The following TTC7A variants were observed in gnomAD, a reference collection of about 807,000 sequenced individuals.
TTC7A encodes tetratricopeptide repeat domain 7A, also known as tetratricopeptide repeat protein 7A.
TTC7A carries 110 observed loss-of-function variants against 103.7 expected under a neutral mutation model. The ratio of observed to expected loss-of-function variants is 1.06; its 90% CI spans 0.91 to 1.24. TTC7A has a LOEUF of 1.24. Among genes scored for constraint, TTC7A ranks in the 50% most tolerant of loss-of-function variants. TTC7A has a pLI of 0.00. For missense variants in TTC7A, 1,340 were observed against 1,116.3 expected (o/e 1.20, Z -2.86); for synonymous variants, 521 against 467.9 (o/e 1.11, Z -1.47).
intron 1 of TTC7A, among the ~76,000 whole-genome samples, chr2:46,949,200 T>C (rs1400136678): frequency 1.3e-5 from 2 of 152,148 alleles, no homozygotes; most frequent in Non-Finnish European, 2.9e-5. Context: ...TTCAGTGTGG[T>C]AAAGGGAGGC....
At chr2:46,972,779 C>T (rs1473582762) in intron 3 of TTC7A, among the ~76,000 whole-genome samples, 1 of 152,182 alleles carries the variant, frequency 6.6e-6, no homozygotes, top group Non-Finnish European at 1.5e-5. Flanking sequence ...TGCTGCATAA[C>T]TCGAGCACCT....
intron 2 of TTC7A, among the ~76,000 whole-genome samples, chr2:46,930,587 C>T (rs1410872615): frequency 2.0e-5 from 3 of 151,442 alleles, no homozygotes; most frequent in Admixed American, 6.6e-5. Context: ...GCAACCTCTG[C>T]CTCCCAGGTT....
intron 15 of TTC7A, among the ~76,000 whole-genome samples, chr2:47,038,246 G>T (rs1442129101): frequency 1.4e-5 from 2 of 146,116 alleles, no homozygotes; most frequent in African/African-American, 2.6e-5. Context: ...GCGTCAGAGC[G>T]AGACTCCATC....
chr2:47,016,100 G>A (rs766884628), intron 11 of TTC7A, among the ~76,000 whole-genome samples: 17 of 152,230 alleles, frequency 1.1e-4, no homozygotes, highest in Non-Finnish European at 2.4e-4. Context: ...ATGGAAGGCA[G>A]TCCTGGGCAT....
At chr2:47,023,729 T>C (rs1229984830) in intron 13 of TTC7A, among the ~76,000 whole-genome samples, 1 of 152,106 alleles carries the variant, frequency 6.6e-6, no homozygotes, top group African/African-American at 2.4e-5. Context: ...ATGGGTATAG[T>C]AACCCATTGC....
chr2:47,009,148 G>A (rs1041683558), intron 10 of TTC7A, among the ~76,000 whole-genome samples: 5 of 152,102 alleles, frequency 3.3e-5, no homozygotes, highest in African/African-American at 9.7e-5. Context: ...GTGTTCCCAG[G>A]GCAGGGCCTC....
chr2:46,970,885 G>C lies in TTC7A; in HGVS notation c.518-4088G>C, dbSNP rs531843859. Among the ~76,000 whole-genome samples, 11 of 152,350 alleles carry C rather than the reference G, an allele frequency of 7.2e-5. No homozygotes were observed. The South Asian group carries it at 1.0e-3, about 14-fold the overall frequency. ...GCACCTGGGTCTTTGTGTTGAGCAA[G>C]GACCTTCATGTTCTCTGCCCGCTTT... On this transcript the variant is annotated intron_variant, in intron 3 of 19. Coordinates refer to ENST00000319190, the MANE Select transcript of TTC7A (RefSeq NM_020458.4).
intron 11 of TTC7A, among the ~76,000 whole-genome samples, chr2:47,018,920 C>G (rs1678990266): frequency 6.6e-6 from 1 of 152,156 alleles, no homozygotes. Flanking sequence ...GGCCCCAGAG[C>G]TTGTGTTCTT....
At chr2:46,923,365 C>G (rs531726754) in intron 2 of TTC7A, among the ~76,000 whole-genome samples, 81 of 152,268 alleles carry the variant, frequency 5.3e-4, no homozygotes, top group African/African-American at 1.9e-3. Flanking sequence ...TTCTGAATTA[C>G]CTGGGGGCTG....
intron 15 of TTC7A, among the ~76,000 whole-genome samples, chr2:47,041,369 G>A (rs1008192265): frequency 2.0e-5 from 3 of 152,212 alleles, no homozygotes; most frequent in Non-Finnish European, 4.4e-5. Context: ...AGGTGGGGAC[G>A]CACGATGAGG....
At chr2:46,969,462 G>A (rs1228387963) in intron 3 of TTC7A, among the ~76,000 whole-genome samples, 4 of 151,986 alleles carry the variant, frequency 2.6e-5, no homozygotes, top group Non-Finnish European at 4.4e-5. Context: ...AGCCGAGATC[G>A]CGCCACTGCA....
chr2:47,011,430 C>A lies in TTC7A; in HGVS notation c.1387C>A (p.Arg463Ser). 6.2e-7 allele frequency: 1 copy of A among 1,605,122 alleles called. No individual in the cohort carries two copies. Among genetic ancestry groups the A allele is most frequent in the Non-Finnish European group, 8.5e-7 (1 of 1,179,230 alleles). Residue 463 changes from arginine (R) to serine (S), a missense_variant, in exon 11 of 20, where the codon CGC (arginine) becomes AGC (serine). Coordinates refer to ENST00000319190, the MANE Select transcript of TTC7A (RefSeq NM_020458.4). ...CGCGAAGGTCTGCATCGGGTCCCTT[C>A]GCTGGGTGAGTGAGCTGTGAGGGCA... ...MAAKVCIGSL[R>S]WLEEAEHFAM...
rs1322909698 is a variant in TTC7A at position 47,046,356 on chromosome 2, G to A, written c.1844G>A (p.Gly615Asp). The A allele has an allele frequency of 6.2e-7, 1 of 1,614,192 alleles. No homozygotes were observed. Among genetic ancestry groups the A allele is most frequent in the South Asian group, 1.1e-5 (1 of 91,078 alleles). ...TKVKLEQVLK[G>D]PEEALVTCRQ... The stretch of plus-strand genomic sequence containing the variant: ...GTGAAGCTGGAGCAGGTGCTGAAAG[G>A]CCCAGAGGAAGCCCTCGTGACCTGC... Residue 615 changes from glycine to aspartate, a missense_variant, in exon 16 of 20, where the codon GGC becomes GAC. Physicochemically the swap from Gly to Asp is moderately conservative, Grantham distance 94. Coordinates refer to ENST00000319190, the MANE Select transcript of TTC7A (RefSeq NM_020458.4).
chr2:46,941,265 A>T lies in TTC7A; in HGVS notation c.-277A>T, dbSNP rs2103883393. ...CGGCGGCGGCGGCGGCAGCGCCAGG[A>T]GCTGCTACAGCAGAGGCGGAGGTTG... On this transcript the variant is annotated 5_prime_UTR_variant, in exon 1 of 20. Coordinates refer to ENST00000319190, the MANE Select transcript of TTC7A (RefSeq NM_020458.4). The surrounding 1 kb of genome is among the most constrained non-coding windows in gnomAD (Gnocchi z 4.2). 6.4e-6 allele frequency: 1 copy of T among 156,390 alleles called. No individual in the cohort carries two copies. Among genetic ancestry groups the T allele is most frequent in the Non-Finnish European group, 1.4e-5 (1 of 71,914 alleles). The allele number at this position is 156,390 out of a possible 1,614,324, so 9.7% of individuals were successfully genotyped here. A position where few individuals can be genotyped will look rare whatever the true frequency, so the allele number is the denominator to read the frequency against.
chr2:46,967,029 A>G (rs1284233850), intron 3 of TTC7A, among the ~76,000 whole-genome samples: 1 of 151,954 alleles, frequency 6.6e-6, no homozygotes, highest in Non-Finnish European at 1.5e-5. Context: ...CCTGGCCAAC[A>G]TGGCGAAACC....
chr2:47,043,164 G>A (rs982503710), intron 15 of TTC7A, among the ~76,000 whole-genome samples: 4 of 152,256 alleles, frequency 2.6e-5, no homozygotes, highest in African/African-American at 9.6e-5. Context: ...GGGGGCCTGT[G>A]CTCCTTAGTC....
intron 11 of TTC7A, among the ~76,000 whole-genome samples, chr2:47,015,505 A>G (rs1310679635): frequency 6.6e-6 from 1 of 152,168 alleles, no homozygotes; most frequent in Admixed American, 6.5e-5. Flanking sequence ...ATTTCTGCCT[A>G]CCCATGTACT....
intron 8 of TTC7A, chr2:46,999,958 T>A: frequency 1.0e-6 from 1 of 959,470 alleles, no homozygotes; most frequent in African/African-American, 1.8e-5. Context: ...ATGCTGGGCA[T>A]CTGGCTGTTT....
intron 2 of TTC7A, chr2:46,917,422 C>T: frequency 1.8e-6 from 1 of 564,702 alleles, no homozygotes; most frequent in South Asian, 2.3e-5. Flanking sequence ...TCATCCATCT[C>T]TTCATCCATT....
Sources: allele counts gnomAD v4.1 joint callset (sites outside exome capture counted in the v4.1 genomes callset), GRCh38; gene constraint gnomAD v4.1.1; non-coding constraint Gnocchi (gnomAD v3.1); transcripts MANE v1.5; gene names NCBI Gene and HGNC (gene_info 2026-07-23, HGNC 2026-07-21).